The following CDC73 variants were observed in gnomAD, a reference collection of about 807,000 sequenced individuals.
CDC73 encodes the protein cell division cycle 73.
CDC73 carries 21 observed loss-of-function variants against 83.7 expected under a neutral mutation model. The observed-to-expected ratio is 0.25, with a 90% CI of 0.18 to 0.36. The LOEUF (loss-of-function observed/expected upper bound fraction) is 0.36, where lower values mean the gene tolerates loss of function less well. Among genes scored for constraint, CDC73 ranks in the 10% least tolerant of loss-of-function variants. The pLI, the probability that CDC73 is intolerant of heterozygous loss-of-function variation, is 1.00. For missense variants in CDC73, 342 were observed against 653.3 expected, an observed-to-expected ratio of 0.52 and a Z score of 5.19; for synonymous variants, 224 against 212.9, an observed-to-expected ratio of 1.05 and a Z score of -0.45.
intron 15 of CDC73, among the ~76,000 whole-genome samples, chr1:193,240,870 CT>C (rs1677845369): frequency 6.6e-6 from 1 of 152,112 alleles, no homozygotes; most frequent in Non-Finnish European, 1.5e-5. Flanking sequence ...GTTGCCTGTG[CT>C]TTTGAGGTCT....
At chr1:193,192,474 A>G (rs970364517) in intron 10 of CDC73, among the ~76,000 whole-genome samples, 1 of 152,166 alleles carries the variant, frequency 6.6e-6, no homozygotes, top group Admixed American at 6.5e-5. Flanking sequence ...CAAGTGTTGG[A>G]AGTAAGTAAA....
At chr1:193,130,083 T>A in intron 2 of CDC73, 91 bp from the exon 3 acceptor site, 1 of 723,858 alleles carries the variant, frequency 1.4e-6, no homozygotes, top group Non-Finnish European at 2.5e-6. Context: ...CAAGATATGT[T>A]GGAATAAAAT....
chr1:193,248,332 C>G (rs1022215965), intron 15 of CDC73, among the ~76,000 whole-genome samples: 4 of 152,030 alleles, frequency 2.6e-5, no homozygotes, highest in Non-Finnish European at 5.9e-5. Context: ...AATAAAGATT[C>G]CTTTCAAAAT....
intron 15 of CDC73, among the ~76,000 whole-genome samples, chr1:193,246,892 A>G (rs1216639399): frequency 1.3e-5 from 2 of 152,112 alleles, no homozygotes; most frequent in African/African-American, 2.4e-5. Flanking sequence ...ATGCAGTTCT[A>G]TTAACTTTCT....
chr1:193,161,602 AATAG>A (rs1237109540), intron 10 of CDC73, among the ~76,000 whole-genome samples: 11 of 104,884 alleles, frequency 1.0e-4, no homozygotes, highest in South Asian at 2.8e-4. Context: ...GATAATATAT[AATAG>A]ATAATATATA....
chr1:193,219,598 T>C (rs907360068), intron 13 of CDC73, among the ~76,000 whole-genome samples: 4 of 152,110 alleles, frequency 2.6e-5, no homozygotes, highest in African/African-American at 9.7e-5. Flanking sequence ...GCAACATGGA[T>C]GCAGCTGGAA....
intron 2 of CDC73, among the ~76,000 whole-genome samples, chr1:193,126,114 A>G (rs1207223584): frequency 6.6e-6 from 1 of 152,120 alleles, no homozygotes; most frequent in Admixed American, 6.5e-5. Flanking sequence ...AAAACCCGAA[A>G]CGCTAAAAGT....
Position 193,150,364 on chromosome 1 carries a change from A to C in CDC73, c.889A>C (p.Arg297=), listed in dbSNP as rs748954863. 1.4e-5 allele frequency: 23 copies of C among 1,612,352 alleles called. No homozygotes were observed. The highest frequency in any genetic ancestry group is 1.9e-5 in the Non-Finnish European group (22 of 1,178,424). ...PAAYNRYDQE[R]FKGKEETEGF... is the part of the protein sequence containing the mutation. ...TGCCTATAACAGATACGATCAGGAA[A>C]GATTCAAAGGAAAAGAAGGCAAGTT... Residue 297 remains arginine, a synonymous_variant, in exon 9 of 17, where the codon AGA becomes CGA. Coordinates refer to ENST00000367435, the MANE Select transcript of CDC73 (RefSeq NM_024529.5).
At chr1:193,162,398 A>G (rs150250165) in intron 10 of CDC73, among the ~76,000 whole-genome samples, 3 of 145,472 alleles carry the variant, frequency 2.1e-5, no homozygotes, top group Admixed American at 1.4e-4. Context: ...ATGAAGACAG[A>G]GTCTCACTCT....
intron 10 of CDC73, among the ~76,000 whole-genome samples, chr1:193,178,268 G>A (rs890434871): frequency 2.6e-5 from 4 of 151,976 alleles, no homozygotes; most frequent in East Asian, 1.9e-4. Context: ...GATTACTATC[G>A]TTTTTCAAGA....
chr1:193,209,694 T>C (rs1300013669), intron 11 of CDC73, among the ~76,000 whole-genome samples: 1 of 152,208 alleles, frequency 6.6e-6, no homozygotes, highest in Admixed American at 6.5e-5. Context: ...CTCTAAACTT[T>C]ATTTTTAACA....
chr1:193,155,052 T>C (rs1676183154), intron 10 of CDC73, among the ~76,000 whole-genome samples: 1 of 152,238 alleles, frequency 6.6e-6, no homozygotes, highest in Non-Finnish European at 1.5e-5. Flanking sequence ...TCAGTCTATG[T>C]ATCTTTTAAG....
chr1:193,242,994 C>T (rs1021997890), intron 15 of CDC73, among the ~76,000 whole-genome samples: 7 of 151,040 alleles, frequency 4.6e-5, no homozygotes, highest in African/African-American at 1.7e-4. Context: ...GCTCTGTTGC[C>T]CAGGCTGGAG....
intron 10 of CDC73, among the ~76,000 whole-genome samples, chr1:193,169,233 T>C (rs929988326): frequency 6.6e-6 from 1 of 152,222 alleles, no homozygotes; most frequent in Non-Finnish European, 1.5e-5. Context: ...AGTAAAAATA[T>C]GAACTTTAAC....
rs2102038640 is a variant in CDC73, at chr1:193,212,496, T to G, written c.1154+19T>G. The G allele has an allele frequency of 2.2e-6, 3 of 1,360,518 alleles. No homozygotes were observed. The highest frequency in any genetic ancestry group is 1.7e-5 in the Admixed American group (1 of 59,166). 84.3% of individuals were successfully genotyped at this position (1,360,518 alleles called of 1,614,324 possible). On this transcript the variant is annotated intron_variant, in intron 13 of 16. Transcript: ENST00000367435. Reference sequence around the variant, plus strand: ...ACCTGAAGTAAGTAATTTATTAAACTATCCTGTACGTAGGATATTGAGATA... The same window carrying G: ...ACCTGAAGTAAGTAATTTATTAAACGATCCTGTACGTAGGATATTGAGATA...
At chr1:193,165,392 A>G (rs776093299) in intron 10 of CDC73, among the ~76,000 whole-genome samples, 2 of 152,256 alleles carry the variant, frequency 1.3e-5, no homozygotes, top group Non-Finnish European at 2.9e-5. Context: ...ATAAAGTAGT[A>G]TCATTGTAAA....
At chr1:193,213,267 A>C (rs1677307687) in intron 13 of CDC73, among the ~76,000 whole-genome samples, 1 of 152,188 alleles carries the variant, frequency 6.6e-6, no homozygotes, top group Non-Finnish European at 1.5e-5. Flanking sequence ...ATCTTCAATG[A>C]TATAGACATT....
At chr1:193,188,045 A>G (rs1176536491) in intron 10 of CDC73, among the ~76,000 whole-genome samples, 1 of 152,228 alleles carries the variant, frequency 6.6e-6, no homozygotes, top group Non-Finnish European at 1.5e-5. Context: ...CTTATTTTCC[A>G]GAAGTACAGA....
intron 2 of CDC73, 139 bp downstream of exon 2, chr1:193,125,356 T>A: frequency 1.5e-6 from 1 of 681,386 alleles, no homozygotes; most frequent in Non-Finnish European, 2.7e-6. Context: ...ACTCCTAGGC[T>A]CAAGTGATCT....
Sources: gnomAD v4.1 joint callset for allele counts (sites outside exome capture counted in the v4.1 genomes callset) on GRCh38, gnomAD v4.1.1 for gene constraint, MANE v1.5 for transcripts, NCBI Gene and HGNC (gene_info 2026-07-23, HGNC 2026-07-21) for gene names.